FBXL18: variants seen among roughly 807,000 people sequenced by gnomAD.
FBXL18 encodes F-box and leucine rich repeat protein 18, also known as F-box/LRR-repeat protein 18.
A neutral mutation model predicts 46.0 loss-of-function variants in FBXL18; 36 were observed. That is an observed-to-expected ratio of 0.78 (90% CI 0.60 to 1.03). The LOEUF (loss-of-function observed/expected upper bound fraction) is 1.03, where lower values mean the gene tolerates loss of function less well. Ranked by LOEUF, FBXL18 falls within the 50% of genes least tolerant of loss-of-function variation. The pLI is 0.00. For synonymous variants in FBXL18, 557 were observed against 465.3 expected (o/e 1.20, Z -2.54); for missense variants, 977 against 1,004.1 (o/e 0.97, Z 0.36).
Position 5,501,388 on chromosome 7 carries a change from G to C in FBXL18, c.881C>G (p.Ala294Gly). 6.2e-7 allele frequency: 1 copy of C among 1,613,896 alleles called. No homozygotes were observed. The highest frequency in any genetic ancestry group is 8.5e-7 in the Non-Finnish European group (1 of 1,180,022). ...CAGCCAGGACTTGGGCAGCTGCAGG[G>C]CATCCAGCACGACATTGCGCGCCAT... ...DSMARNVVLD[A>G]LQLPKSWLNG... is the part of the protein sequence containing the mutation. The change falls in exon 3 of 5, where the codon GCC (alanine) becomes GGC (glycine). Residue 294 changes from alanine to glycine, a missense_variant. Ala to Gly is a moderately conservative substitution (Grantham distance 60). Coordinates refer to ENST00000382368, the MANE Select transcript of FBXL18 (RefSeq NM_024963.6).
Position 5,501,200 on chromosome 7 carries a change from G to A in FBXL18, c.1069C>T (p.Leu357=). 1 of 1,613,312 alleles carries A rather than the reference G, an allele frequency of 6.2e-7. No homozygotes were observed. Among genetic ancestry groups the A allele is most frequent in the South Asian group, 1.1e-5 (1 of 91,060 alleles). ...TTGCGGAGCAGCGAGTCTGGGGACA[G>A]GCAGTGGACGCAGCCGCTGAGGTTC... is the stretch of plus-strand genomic sequence containing the variant. ...SLNLSGCVHC[L]SPDSLLRKAE... is the part of the protein sequence containing the mutation. The change falls in exon 3 of 5, where the codon CTG becomes TTG. Residue 357 remains leucine (L), a synonymous_variant. Coordinates refer to ENST00000382368, the MANE Select transcript of FBXL18 (RefSeq NM_024963.6).
intron 1 of FBXL18, among the ~76,000 whole-genome samples, chr7:5,511,826 A>G (rs1335635791): frequency 6.6e-6 from 1 of 151,808 alleles, no homozygotes; most frequent in Non-Finnish European, 1.5e-5. Flanking sequence ...TCCTACCTAG[A>G]ACCCTAACCT....
chr7:5,494,275 A>G (rs1784014404), intron 3 of FBXL18, among the ~76,000 whole-genome samples: 1 of 150,952 alleles, frequency 6.6e-6, no homozygotes, highest in East Asian at 1.9e-4. Flanking sequence ...TCCATCTCAA[A>G]AAAAAAAAAA....
At chr7:5,487,078 T>C (rs1004062542) in intron 4 of FBXL18, among the ~76,000 whole-genome samples, 7 of 152,302 alleles carry the variant, frequency 4.6e-5, no homozygotes, top group Admixed American at 1.3e-4. Flanking sequence ...TGCTGGGCCT[T>C]GGGCGCAGCT....
At chr7:5,468,235 G>C (rs544805255) in intron 4 of FBXL18, among the ~76,000 whole-genome samples, 3 of 151,984 alleles carry the variant, frequency 2.0e-5, no homozygotes, top group Non-Finnish European at 4.4e-5. Flanking sequence ...CGCCCGCCTC[G>C]GCCTCCCAAA....
intron 3 of FBXL18, among the ~76,000 whole-genome samples, chr7:5,491,941 G>A (rs1783938496): frequency 6.6e-6 from 1 of 151,916 alleles, no homozygotes; most frequent in African/African-American, 2.4e-5. Flanking sequence ...GGGAGGGAGA[G>A]GGCGAGAATC....
At chr7:5,465,615 C>A (rs546044560) in intron 4 of FBXL18, among the ~76,000 whole-genome samples, 2 of 151,622 alleles carry the variant, frequency 1.3e-5, no homozygotes, top group African/African-American at 4.8e-5. Context: ...CCAGCTCGGG[C>A]AACAGAGCAA....
At position 5,469,590 on chromosome 7, in the gene FBXL18, G is replaced by A. The variant is rs111649507; in HGVS notation, c.2000+21641C>T. Among the ~76,000 whole-genome samples the A allele has an allele frequency of 5.9e-5, 9 of 151,926 alleles. 1 individual carries two copies. The highest frequency in any genetic ancestry group is 2.1e-4 in the South Asian group (1 of 4,792). ...ACGTGCAAATCCACACAGGTGCTGC[G>A]TGGAGATGAGAACGTGTGTGGTGTG... On this transcript the variant is annotated intron_variant and NMD_transcript_variant, in intron 4 of 6. Transcript: ENST00000415009.
In FBXL18 at chr7:5,476,266, C is replaced by CA. The variant is rs1783510411; in HGVS notation, c.*5508dup. The CA allele has an allele frequency of 6.6e-6, 1 of 152,374 alleles. No homozygotes were observed. Among genetic ancestry groups the CA allele is most frequent in the African/African-American group, 2.4e-5 (1 of 41,412 alleles). The allele number at this position is 152,374 out of a possible 1,614,324, so 9.4% of individuals were successfully genotyped here. On this transcript the variant is annotated 3_prime_UTR_variant, in exon 5 of 5. Transcript: ENST00000382368. ...CACCCTCCCTCCACCCCAGACACATCAGCACAGCGGTCCAGGCTCTGGCTC... is the reference window on the plus strand; with the variant it reads ...CACCCTCCCTCCACCCCAGACACATCAAGCACAGCGGTCCAGGCTCTGGCTC...
rs1002228426 is a variant in FBXL18 at position 5,510,029 on chromosome 7, C to T, written c.18+3628G>A. 7.9e-5 allele frequency among the ~76,000 whole-genome samples: 12 copies of T among 152,014 alleles called. 1 individual carries two copies. Among genetic ancestry groups the T allele is most frequent in the Admixed American group, 3.9e-4 (6 of 15,228 alleles). ...CAAAAACCAGGGTGCAGGAAGGGCG[C>T]GGTAGCTCATGCGTGTAATTCCAGC... is the stretch of plus-strand genomic sequence containing the variant. On this transcript the variant is annotated intron_variant, in intron 1 of 4. Transcript: ENST00000382368.
chr7:5,483,995 G>T (rs1783711465), intron 4 of FBXL18, among the ~76,000 whole-genome samples: 1 of 152,150 alleles, frequency 6.6e-6, no homozygotes, highest in South Asian at 2.1e-4. Flanking sequence ...AGAGGTTTCG[G>T]CAATAAAGAC....
chr7:5,495,873 C>G (rs546599623), intron 3 of FBXL18: 1 of 480,000 alleles, frequency 2.1e-6, no homozygotes, highest in African/African-American at 2.0e-5. Context: ...CAGTACCCAG[C>G]TCAGAGCAGA....
At chr7:5,512,504 A>C (rs1040306221) in intron 1 of FBXL18, among the ~76,000 whole-genome samples, 1 of 152,094 alleles carries the variant, frequency 6.6e-6, no homozygotes, top group Non-Finnish European at 1.5e-5. Context: ...AACCCCAGCT[A>C]CTTGGAAGGC....
At chr7:5,457,711 G>A (rs1236146791) in intron 4 of FBXL18, among the ~76,000 whole-genome samples, 1 of 152,238 alleles carries the variant, frequency 6.6e-6, no homozygotes, top group Non-Finnish European at 1.5e-5. Context: ...GGTCTGTGGT[G>A]CCCCAAGTGG....
In FBXL18 at chr7:5,466,428, G is replaced by A. The variant is rs376381935; in HGVS notation, c.2001-18585C>T. On this transcript the variant is annotated intron_variant and NMD_transcript_variant, in intron 4 of 6. Transcript: ENST00000415009. ...TAGAATCTGCCTGCACTCCTTGGCT[G>A]GAGGGAGGACCTCACACACAGTGCG... 8.5e-5 allele frequency among the ~76,000 whole-genome samples: 13 copies of A among 152,148 alleles called. No homozygotes were observed. In the East Asian group the frequency reaches 9.7e-4, roughly 11 times the overall value.
At chr7:5,467,966 T>C (rs954175182) in intron 4 of FBXL18, among the ~76,000 whole-genome samples, 2 of 151,384 alleles carry the variant, frequency 1.3e-5, no homozygotes, top group South Asian at 2.1e-4. Flanking sequence ...CGAAATCCAA[T>C]GATTGCAGCC....
Position 5,500,903 on chromosome 7 carries a change from C to T in FBXL18, c.1366G>A (p.Val456Met), listed in dbSNP as rs749017153. The change falls in exon 3 of 5, where the codon GTG becomes ATG. Residue 456 changes from valine (V) to methionine (M), a missense_variant. Val to Met is a conservative substitution (Grantham distance 21). Transcript: ENST00000382368. ...RGFGKKVRVG[V>M]QSCPSPFSGQ... is the part of the protein sequence containing the mutation. The stretch of plus-strand genomic sequence containing the variant: ...GAGAAGGGGCTGGGACAGGACTGCA[C>T]GCCCACACGCACTTTCTTGCCAAAG... 6.3e-7 allele frequency: 1 copy of T among 1,576,248 alleles called. No homozygotes were observed. Among genetic ancestry groups the T allele is most frequent in the Non-Finnish European group, 8.6e-7 (1 of 1,160,900 alleles).
chr7:5,467,161 C>T (rs1471018412), intron 4 of FBXL18, among the ~76,000 whole-genome samples: 1 of 152,128 alleles, frequency 6.6e-6, no homozygotes, highest in East Asian at 1.9e-4. Flanking sequence ...ACCATCCTGG[C>T]TTACACAGTG....
Position 5,500,658 on chromosome 7 carries a change from C to T in FBXL18, c.1611G>A (p.Thr537=), listed in dbSNP as rs907545200. 6 of 1,611,522 alleles carry T rather than the reference C, an allele frequency of 3.7e-6. No homozygotes were observed. The highest frequency in any genetic ancestry group is 4.2e-6 in the Non-Finnish European group (5 of 1,179,322). The stretch of plus-strand genomic sequence containing the variant: ...TAAGGACGCTGGGCAGCTGTGCGAG[C>T]GTCAGGTGCCGCAGGAAGGCCAGCT... ...IGQLAFLRHL[T]LAQLPSVLTG... The change falls in exon 3 of 5, where the codon ACG becomes ACA. Residue 537 remains threonine, a synonymous_variant. Transcript: ENST00000382368.
Sources: gnomAD v4.1 joint callset for allele counts (sites outside exome capture counted in the v4.1 genomes callset) on GRCh38, gnomAD v4.1.1 for gene constraint, MANE v1.5 for transcripts, NCBI Gene and HGNC (gene_info 2026-07-23, HGNC 2026-07-21) for gene names.